NTM: variants seen among roughly 807,000 people sequenced by gnomAD.
NTM encodes IgLON family member 2.
Under a neutral mutation model 42.1 loss-of-function variants are expected in NTM, and 13 were observed. The observed-to-expected ratio is 0.31, with a 90% CI of 0.20 to 0.49. The LOEUF (loss-of-function observed/expected upper bound fraction) is 0.49. Among genes scored for constraint, NTM ranks in the 20% least tolerant of loss-of-function variants. The pLI is 0.99. For synonymous variants in NTM, 187 were observed against 179.2 expected (o/e 1.04, Z -0.35); for missense variants, 373 against 452.8 (o/e 0.82, Z 1.60).
chr11:131,515,107 G>T (rs191840023), intron 1 of NTM, among the ~76,000 whole-genome samples: 1 of 152,018 alleles, frequency 6.6e-6, no homozygotes, highest in East Asian at 1.9e-4. Context: ...TAGAGATGAG[G>T]TCTCCCTATG....
chr11:131,444,203 C>CAAA (rs71475757), intron 1 of NTM, among the ~76,000 whole-genome samples: 7,473 of 49,486 alleles, frequency 0.15, 709 homozygotes, highest in Non-Finnish European at 0.17. Flanking sequence ...AGGTTAGAAC[C>CAAA]AAAAAAAAAA....
intron 1 of NTM, among the ~76,000 whole-genome samples, chr11:131,789,916 A>G (rs1330636061): frequency 7.3e-6 from 1 of 136,936 alleles, no homozygotes; most frequent in Non-Finnish European, 1.5e-5. Flanking sequence ...AGATCGCGCC[A>G]CTGCACTCCA....
At chr11:131,525,372 A>G (rs1290721791) in intron 1 of NTM, among the ~76,000 whole-genome samples, 1 of 152,140 alleles carries the variant, frequency 6.6e-6, no homozygotes, top group East Asian at 1.9e-4. Flanking sequence ...GCTGCTGTTG[A>G]CCAGTGGTTG....
intron 1 of NTM, among the ~76,000 whole-genome samples, chr11:131,792,546 T>C (rs1280769788): frequency 2.0e-5 from 3 of 152,186 alleles, no homozygotes; most frequent in East Asian, 3.9e-4. Context: ...TCTCTACCAC[T>C]ACAGCCCATA....
chr11:132,110,433 T>G (rs1333027282), intron 2 of NTM, among the ~76,000 whole-genome samples: 2 of 152,232 alleles, frequency 1.3e-5, no homozygotes, highest in Admixed American at 6.5e-5. Flanking sequence ...ATGGCTGAAG[T>G]GTGATCCAGT....
intron 1 of NTM, among the ~76,000 whole-genome samples, chr11:131,432,253 C>T (rs557612869): frequency 1.9e-4 from 29 of 152,214 alleles, no homozygotes; most frequent in Admixed American, 7.2e-4. Flanking sequence ...CTTTATTCCC[C>T]GCCAGTCCGT....
chr11:131,591,143 G>A (rs1207881779), intron 1 of NTM, among the ~76,000 whole-genome samples: 1 of 152,208 alleles, frequency 6.6e-6, no homozygotes, highest in East Asian at 1.9e-4. Context: ...CAGCTCAGCT[G>A]TTAAGACTCA....
At chr11:131,847,245 C>T (rs2045017965) in intron 1 of NTM, among the ~76,000 whole-genome samples, 1 of 151,982 alleles carries the variant, frequency 6.6e-6, no homozygotes, top group South Asian at 2.1e-4. Context: ...CAATAGCAAA[C>T]TCAATGAATT....
intron 1 of NTM, among the ~76,000 whole-genome samples, chr11:131,544,955 C>T (rs1272386224): frequency 6.6e-6 from 1 of 152,188 alleles, no homozygotes; most frequent in Admixed American, 6.5e-5. Context: ...GGACCCCAGA[C>T]CCCTCTCAAT....
intron 2 of NTM, among the ~76,000 whole-genome samples, chr11:131,950,467 C>T (rs1004659788): frequency 2.6e-5 from 4 of 152,172 alleles, no homozygotes; most frequent in African/African-American, 7.2e-5. Context: ...TTCTCTCGTA[C>T]ACTTTGTTCA....
At chr11:132,104,397 T>G (rs2062007168) in intron 2 of NTM, among the ~76,000 whole-genome samples, 1 of 152,020 alleles carries the variant, frequency 6.6e-6, no homozygotes. Flanking sequence ...TTCATGTATT[T>G]TTTTCGTAAA....
chr11:131,460,002 T>TA (rs1036049724), intron 1 of NTM, among the ~76,000 whole-genome samples: 19 of 152,100 alleles, frequency 1.2e-4, no homozygotes, highest in African/African-American at 2.9e-4. Flanking sequence ...TGGCAGAACT[T>TA]AAAAAAAATG....
At chr11:131,878,597 ATATATATATATATATATATATAT>A (rs1565667026) in intron 1 of NTM, among the ~76,000 whole-genome samples, 162 of 9,712 alleles carry the variant, frequency 0.017, 40 homozygotes, top group South Asian at 0.062. Context: ...AAAAAAAAAT[ATATATATATATATATATATATAT>A]ATATATATAT....
intron 3 of NTM, among the ~76,000 whole-genome samples, chr11:132,204,423 G>A (rs568073610): frequency 4.6e-5 from 7 of 152,288 alleles, no homozygotes; most frequent in African/African-American, 1.7e-4. Context: ...TTCAATGAAC[G>A]AGACACCAGT....
intron 4 of NTM, among the ~76,000 whole-genome samples, chr11:132,261,029 TG>T (rs2092817097): frequency 6.6e-6 from 1 of 152,222 alleles, no homozygotes; most frequent in Non-Finnish European, 1.5e-5. Flanking sequence ...GCACTGTTGC[TG>T]GTTCTCGTTT....
At chr11:131,401,050 C>T (rs539618746) in intron 1 of NTM, among the ~76,000 whole-genome samples, 3 of 150,196 alleles carry the variant, frequency 2.0e-5, no homozygotes, top group African/African-American at 7.3e-5. Flanking sequence ...CATGCATAGA[C>T]AGACAGAAAA....
chr11:132,306,064 G>T (rs1361687921), intron 4 of NTM, among the ~76,000 whole-genome samples: 1 of 152,324 alleles, frequency 6.6e-6, no homozygotes, highest in Non-Finnish European at 1.5e-5. Context: ...TGAGGCCCCG[G>T]TTGGGCCTAC....
intron 2 of NTM, among the ~76,000 whole-genome samples, chr11:132,061,933 CGTGT>C (rs1352288669): frequency 6.6e-6 from 1 of 151,610 alleles, no homozygotes; most frequent in Non-Finnish European, 1.5e-5. Flanking sequence ...GATGTGAGTG[CGTGT>C]GTGTGTGTGG....
intron 7 of NTM, chr11:132,317,809 G>T (rs1356957802): frequency 8.2e-6 from 4 of 486,106 alleles, no homozygotes; most frequent in Non-Finnish European, 1.4e-5. Flanking sequence ...GATGTGGAAG[G>T]CTATTGAAGG....
Sources: gnomAD v4.1 joint callset for allele counts (sites outside exome capture counted in the v4.1 genomes callset) on GRCh38, gnomAD v4.1.1 for gene constraint, MANE v1.5 for transcripts, NCBI Gene and HGNC (gene_info 2026-07-23, HGNC 2026-07-21) for gene names.